Variants in PFDN6 observed in about 807,000 individuals in gnomAD.
The protein encoded by PFDN6 is HLA class II region expressed gene KE2.
In PFDN6, 5 loss-of-function variants were observed where a neutral mutation model predicts 19.3. That is an observed-to-expected ratio of 0.26 (90% CI 0.14 to 0.55). The LOEUF (loss-of-function observed/expected upper bound fraction) is 0.55. Ranked by LOEUF, PFDN6 falls within the 20% of genes least tolerant of loss-of-function variation. PFDN6 has a pLI of 0.94. For missense variants in PFDN6, 101 were observed against 149.4 expected, an observed-to-expected ratio of 0.68 and a Z score of 1.69; for synonymous variants, 51 against 63.4, an observed-to-expected ratio of 0.80 and a Z score of 0.93.
At chr6:33,289,459 A>G (rs1581695717), upstream of PFDN6, 10 of 1,289,476 alleles carry the variant, frequency 7.8e-6, no homozygotes, top group East Asian at 2.9e-4. Context: ...TAGTTTCCCC[A>G]TCTTGCCTAA....
intron 1 of PFDN6, 106 bp downstream of exon 1, chr6:33,290,026 C>T: frequency 7.7e-7 from 1 of 1,295,384 alleles, no homozygotes; most frequent in Non-Finnish European, 1.1e-6. Flanking sequence ...GCAGAGACTT[C>T]CCCGCCTCAG....
upstream of PFDN6, chr6:33,289,253 G>A: frequency 6.5e-7 from 1 of 1,542,152 alleles, no homozygotes; most frequent in Non-Finnish European, 8.7e-7. Context: ...GAAGCCCTCT[G>A]TCCTTCATCC....
intron 1 of PFDN6, 122 bp from the exon 2 acceptor site, chr6:33,290,052 C>T (rs1767180796): frequency 3.8e-6 from 5 of 1,307,932 alleles, no homozygotes; most frequent in South Asian, 1.3e-5. Context: ...GTACTCTTCC[C>T]TGTTCACTCA....
In PFDN6 at chr6:33,290,817, C is replaced by T. The variant is rs761349416; in HGVS notation, c.362C>T (p.Ala121Val). Residue 121 changes from alanine to valine, a missense_variant, in exon 4 of 4, where the codon GCA (alanine) becomes GTA (valine). This residue lies in a region of PFDN6 where 47 missense variants were observed against 40.6 expected (regional missense o/e 1.16). Transcript: ENST00000374606. Reference protein sequence around the residue: ...LQQEFQRAQAAKAGAPGKA With the variant: ...LQQEFQRAQAVKAGAPGKA ...CAGGAGTTCCAGCGGGCCCAGGCAG[C>T]AAAGGCAGGGGCTCCTGGCAAGGCC... is the stretch of plus-strand genomic sequence containing the variant. 16 of 1,574,650 alleles carry T rather than the reference C, an allele frequency of 1.0e-5. No homozygotes were observed. Among genetic ancestry groups the T allele is most frequent in the Non-Finnish European group, 1.3e-5 (15 of 1,163,060 alleles).
chr6:33,290,109 G>A, intron 1 of PFDN6, 65 bp from the exon 2 acceptor site: 1 of 1,536,048 alleles, frequency 6.5e-7, no homozygotes, highest in Admixed American at 1.7e-5. Flanking sequence ...ATATCCACCT[G>A]ACTAGGATTG....
chr6:33,289,398 G>A (rs372179275), upstream of PFDN6: 57 of 1,309,442 alleles, frequency 4.4e-5, no homozygotes, highest in Non-Finnish European at 5.2e-5. Flanking sequence ...AAAAAAGAAA[G>A]GCAGGTCCGG....
intron 1 of PFDN6, 117 bp from the exon 2 acceptor site, chr6:33,290,057 C>A: frequency 7.6e-7 from 1 of 1,314,692 alleles, no homozygotes; most frequent in East Asian, 2.3e-5. Flanking sequence ...CTTCCCTGTT[C>A]ACTCACCCGC....
chr6:33,289,411 C>A, upstream of PFDN6: 3 of 1,307,590 alleles, frequency 2.3e-6, no homozygotes, highest in Non-Finnish European at 1.9e-6. Context: ...AGGTCCGGAG[C>A]CAGGGGCTAA....
chr6:33,289,376 C>G, upstream of PFDN6: 1 of 1,337,230 alleles, frequency 7.5e-7, no homozygotes, highest in Non-Finnish European at 9.5e-7. Context: ...GCAGCTTATG[C>G]AAGAGTGATT....
At chr6:33,289,364 C>T (rs1300381373), upstream of PFDN6, 2 of 1,335,268 alleles carry the variant, frequency 1.5e-6, no homozygotes, top group African/African-American at 1.5e-5. Context: ...TTATCGCGAG[C>T]GGCAGCTTAT....
At position 33,289,667 on chromosome 6, in the gene PFDN6, C is replaced by A; in HGVS notation, c.-190C>A. On this transcript the variant is annotated 5_prime_UTR_variant, in exon 1 of 4. Transcript: ENST00000374606. ...TTGAGAGGCTTGGGGTCTTGCGTTT[C>A]GCCCACCATCTCCTGGGGACAGGGT... The A allele has an allele frequency of 1.8e-6, 1 of 546,992 alleles. No individual in the cohort carries two copies. Among genetic ancestry groups the A allele is most frequent in the Non-Finnish European group, 3.0e-6 (1 of 334,918 alleles). 33.9% of individuals were successfully genotyped at this position (546,992 alleles called of 1,614,324 possible).
chr6:33,290,906 G>A lies in PFDN6; in HGVS notation c.*61G>A. 9 of 1,450,452 alleles carry A rather than the reference G, an allele frequency of 6.2e-6. No homozygotes were observed. The highest frequency in any genetic ancestry group is 8.4e-6 in the Non-Finnish European group (9 of 1,076,788). The allele number at this position is 1,450,452 out of a possible 1,614,324, so 89.8% of individuals were successfully genotyped here. On this transcript the variant is annotated 3_prime_UTR_variant, in exon 4 of 4. Coordinates refer to ENST00000374606, the MANE Select transcript of PFDN6 (RefSeq NM_001185181.3). ...ATGAGGCAGCTCTAGGATCTATACTGTAGCTAATAAAATGTAAAAACACCT... is the reference window on the plus strand; with the variant it reads ...ATGAGGCAGCTCTAGGATCTATACTATAGCTAATAAAATGTAAAAACACCT...
At chr6:33,290,005 G>T in intron 1 of PFDN6, 85 bp downstream of exon 1, 1 of 1,384,614 alleles carries the variant, frequency 7.2e-7, no homozygotes, top group Non-Finnish European at 1.0e-6. Context: ...GCCCCATCTG[G>T]GCCCTCGCGT....
upstream of PFDN6, chr6:33,289,472 AT>A (rs1767081442): frequency 7.8e-7 from 1 of 1,284,434 alleles, no homozygotes; most frequent in South Asian, 2.7e-5. Context: ...TTGCCTAAAA[AT>A]GTCCTAGTCT....
In PFDN6 at chr6:33,290,194, G is replaced by A; in HGVS notation, c.85G>A (p.Gly29Arg). The A allele has an allele frequency of 6.2e-7, 1 of 1,614,198 alleles. No homozygotes were observed. The highest frequency in any genetic ancestry group is 8.5e-7 in the Non-Finnish European group (1 of 1,180,034). Residue 29 changes from glycine to arginine, a missense_variant, in exon 2 of 4, where the codon GGG becomes AGG. Physicochemically the swap from Gly to Arg is moderately radical, Grantham distance 125. This residue lies in a region of PFDN6 where 54 missense variants were observed against 108.8 expected (regional missense o/e 0.50). Transcript: ENST00000374606. Reference sequence around the variant, plus strand: ...CCCAGACTTAAGTAAATCCATGTCGGGGAGGCAGAAACTTGAAGCACAACT... The same window carrying A: ...CCCAGACTTAAGTAAATCCATGTCGAGGAGGCAGAAACTTGAAGCACAACT... ...LQKDLSKSMS[G>R]RQKLEAQLTE... is the part of the protein sequence containing the mutation.
intron 3 of PFDN6, 91 bp downstream of exon 3, chr6:33,290,541 CAT>C (rs1387313082): frequency 9.4e-6 from 14 of 1,495,194 alleles, no homozygotes; most frequent in African/African-American, 1.4e-5. Flanking sequence ...AACAGCTCTC[CAT>C]AGTGGCCCCT....
In PFDN6 at chr6:33,289,639, C is replaced by T. The variant is rs1028646426; in HGVS notation, c.-218C>T. The T allele has an allele frequency of 1.6e-4, 87 of 560,344 alleles. No individual in the cohort carries two copies. In the African/African-American group the frequency reaches 1.6e-3, roughly 10 times the overall value. 34.7% of individuals were successfully genotyped at this position (560,344 alleles called of 1,614,324 possible). ...GAAGAACGTGAGTAGGTTAGGATTT[C>T]GGTTGAGAGGCTTGGGGTCTTGCGT... On this transcript the variant is annotated 5_prime_UTR_variant, in exon 1 of 4. Coordinates refer to ENST00000374606, the MANE Select transcript of PFDN6 (RefSeq NM_001185181.3).
chr6:33,290,333 C>T lies in PFDN6; in HGVS notation c.143C>T (p.Ala48Val). The change falls in exon 3 of 4, where the codon GCC (alanine) becomes GTC (valine). Residue 48 changes from alanine to valine, a missense_variant. By Grantham distance (64) the Ala-to-Val change is moderately conservative. Coordinates refer to ENST00000374606, the MANE Select transcript of PFDN6 (RefSeq NM_001185181.3). ...TENNIVKEELALLDGSNVVFK... is the reference protein window; with the variant it reads ...TENNIVKEELVLLDGSNVVFK... The stretch of plus-strand genomic sequence containing the variant: ...GTCCCATCCCTCCATCAGGAACTGG[C>T]CCTGCTGGATGGGTCCAACGTGGTC... The T allele has an allele frequency of 6.2e-7, 1 of 1,609,788 alleles. No homozygotes were observed. Among genetic ancestry groups the T allele is most frequent in the Non-Finnish European group, 8.5e-7 (1 of 1,176,906 alleles).
chr6:33,290,593 C>A, intron 3 of PFDN6, 123 bp from the exon 4 acceptor site: 1 of 1,467,156 alleles, frequency 6.8e-7, no homozygotes, highest in Non-Finnish European at 9.3e-7. Flanking sequence ...CCCTTTTAAC[C>A]CCCCTTCTTC....
Sources: gnomAD v4.1 joint callset for allele counts on GRCh38, gnomAD v4.1.1 for gene constraint, gnomAD v4.1.1 regional missense constraint, MANE v1.5 for transcripts, NCBI Gene and HGNC (gene_info 2026-07-23, HGNC 2026-07-21) for gene names.